The following GPC5 variants were observed in gnomAD, a reference collection of about 807,000 sequenced individuals.
The protein encoded by GPC5 is glypican 5.
GPC5 carries 47 observed loss-of-function variants against 53.9 expected under a neutral mutation model. That is an observed-to-expected ratio of 0.87 (90% CI 0.69 to 1.11). The LOEUF (loss-of-function observed/expected upper bound fraction) is 1.11, where lower values mean the gene tolerates loss of function less well. Ranked by LOEUF, GPC5 falls within the 50% of genes most tolerant of loss-of-function variation. The pLI is 0.00. For synonymous variants in GPC5, 286 were observed against 263.3 expected, an observed-to-expected ratio of 1.09 and a Z score of -0.84; for missense variants, 748 against 713.1, an observed-to-expected ratio of 1.05 and a Z score of -0.56.
At chr13:92,283,656 A>G (rs1463939264) in intron 7 of GPC5, among the ~76,000 whole-genome samples, 3 of 152,182 alleles carry the variant, frequency 2.0e-5, no homozygotes, top group Non-Finnish European at 4.4e-5. Context: ...GGTACATAAC[A>G]AAATGAAGGC....
intron 7 of GPC5, among the ~76,000 whole-genome samples, chr13:92,777,022 C>CA (rs1243297680): frequency 0.25 from 6,700 of 26,690 alleles, 1,908 homozygotes; most frequent in Non-Finnish European, 0.34. Context: ...GACCCTGCCT[C>CA]AAAAAAAAAA....
chr13:91,898,682 A>AC (rs1224262665), intron 5 of GPC5, among the ~76,000 whole-genome samples: 2 of 15,954 alleles, frequency 1.3e-4, no homozygotes, highest in Admixed American at 3.8e-4. Context: ...AAAGACAGAC[A>AC]AAAAAAAAAT....
intron 6 of GPC5, among the ~76,000 whole-genome samples, chr13:92,029,419 G>A (rs1270312909): frequency 6.6e-6 from 1 of 152,184 alleles, no homozygotes; most frequent in African/African-American, 2.4e-5. Flanking sequence ...TGAGATGGCA[G>A]GGGAGGGTCA....
chr13:92,109,062 T>G (rs997119070), intron 6 of GPC5, among the ~76,000 whole-genome samples: 2 of 31,904 alleles, frequency 6.3e-5, no homozygotes, highest in African/African-American at 8.9e-5. Flanking sequence ...AATATGTTGG[T>G]TTTTTTTTTT....
At chr13:92,640,577 C>T (rs534669942) in intron 7 of GPC5, among the ~76,000 whole-genome samples, 7 of 152,034 alleles carry the variant, frequency 4.6e-5, no homozygotes, top group African/African-American at 1.7e-4. Flanking sequence ...GTTTTTAATA[C>T]CTGTCCCTAC....
At chr13:91,718,228 A>G (rs890232099) in intron 3 of GPC5, among the ~76,000 whole-genome samples, 1 of 151,958 alleles carries the variant, frequency 6.6e-6, no homozygotes, top group Non-Finnish European at 1.5e-5. Flanking sequence ...CTCCCGTCTC[A>G]GCCTCTGGAG....
intron 5 of GPC5, among the ~76,000 whole-genome samples, chr13:91,833,740 A>C (rs1212161913): frequency 1.3e-5 from 2 of 152,268 alleles, no homozygotes; most frequent in East Asian, 3.9e-4. Flanking sequence ...GATGGAACGT[A>C]TCCCAAAATA....
intron 7 of GPC5, among the ~76,000 whole-genome samples, chr13:92,630,513 T>G (rs910407663): frequency 6.6e-6 from 1 of 152,122 alleles, no homozygotes; most frequent in Non-Finnish European, 1.5e-5. Context: ...AAATACTTTC[T>G]GACATAATAA....
intron 7 of GPC5, among the ~76,000 whole-genome samples, chr13:92,843,439 CA>C (rs982368442): frequency 2.0e-5 from 3 of 152,000 alleles, no homozygotes; most frequent in Non-Finnish European, 4.4e-5. Flanking sequence ...TCAGTGAGAG[CA>C]AAAGAAACAA....
At chr13:92,456,067 G>T (rs2374015) in intron 7 of GPC5, among the ~76,000 whole-genome samples, 41,380 of 152,092 alleles carry the variant, frequency 0.27, 6,087 homozygotes, top group East Asian at 0.42. Context: ...GCTTTAAAAA[G>T]GATACAATAA....
At chr13:92,802,651 A>G (rs1242996467) in intron 7 of GPC5, among the ~76,000 whole-genome samples, 1 of 151,840 alleles carries the variant, frequency 6.6e-6, no homozygotes, top group Non-Finnish European at 1.5e-5. Context: ...ATGTTCCTAC[A>G]AAGGACATGA....
chr13:91,500,386 T>C (rs949938631), intron 2 of GPC5, among the ~76,000 whole-genome samples: 3 of 152,204 alleles, frequency 2.0e-5, no homozygotes, highest in African/African-American at 7.2e-5. Flanking sequence ...CCATCTGATA[T>C]TTCCTACTGG....
At chr13:91,938,061 T>A (rs2039887667) in intron 6 of GPC5, among the ~76,000 whole-genome samples, 1 of 152,044 alleles carries the variant, frequency 6.6e-6, no homozygotes, top group Non-Finnish European at 1.5e-5. Flanking sequence ...TCAGCTGAGA[T>A]TTGTGGCAGC....
At chr13:92,132,759 T>C (rs945098916) in intron 6 of GPC5, among the ~76,000 whole-genome samples, 2 of 152,200 alleles carry the variant, frequency 1.3e-5, no homozygotes, top group East Asian at 1.9e-4. Context: ...GTATTGGGGG[T>C]TAGGACATTA....
At chr13:92,033,967 A>G (rs2040873447) in intron 6 of GPC5, among the ~76,000 whole-genome samples, 1 of 152,202 alleles carries the variant, frequency 6.6e-6, no homozygotes, top group African/African-American at 2.4e-5. Flanking sequence ...ATAATTTTAA[A>G]CAACATATTT....
intron 2 of GPC5, among the ~76,000 whole-genome samples, chr13:91,620,136 C>T (rs936704432): frequency 1.3e-5 from 2 of 152,074 alleles, no homozygotes; most frequent in African/African-American, 4.8e-5. Context: ...TATGCTTTTC[C>T]TTCTACCTTC....
At chr13:92,343,497 C>T (rs2139252643) in intron 7 of GPC5, among the ~76,000 whole-genome samples, 1 of 152,186 alleles carries the variant, frequency 6.6e-6, no homozygotes. Flanking sequence ...GCTGCTTATT[C>T]CATTATGTGA....
intron 2 of GPC5, among the ~76,000 whole-genome samples, chr13:91,640,141 A>G (rs983236892): frequency 6.6e-6 from 1 of 152,144 alleles, no homozygotes; most frequent in Non-Finnish European, 1.5e-5. Context: ...AATTAACTTT[A>G]TGTTTAAAAT....
At chr13:92,530,342 T>A (rs1881514648) in intron 7 of GPC5, among the ~76,000 whole-genome samples, 1 of 152,130 alleles carries the variant, frequency 6.6e-6, no homozygotes, top group Non-Finnish European at 1.5e-5. Flanking sequence ...GCTCTCTGCA[T>A]TTATTCAAGG....
Sources: gnomAD v4.1 joint callset for allele counts (sites outside exome capture counted in the v4.1 genomes callset) on GRCh38, gnomAD v4.1.1 for gene constraint, MANE v1.5 for transcripts, NCBI Gene and HGNC (gene_info 2026-07-23, HGNC 2026-07-21) for gene names.